Variants in SYT2 observed in about 807,000 individuals in gnomAD.
SYT2 encodes synaptotagmin 2.
In SYT2, 15 loss-of-function variants were observed where a neutral mutation model predicts 39.9. That is an observed-to-expected ratio of 0.38 (90% CI 0.25 to 0.58). The LOEUF is 0.58. SYT2 is among the 20% of genes least tolerant of loss of function. The pLI, the probability that SYT2 is intolerant of heterozygous loss-of-function variation, is 0.70. For missense variants in SYT2, 389 were observed against 530.3 expected (o/e 0.73, Z 2.62); for synonymous variants, 181 against 204.5 (o/e 0.89, Z 0.98).
intron 1 of SYT2, among the ~76,000 whole-genome samples, chr1:202,704,704 G>A (rs936329580): frequency 3.9e-5 from 4 of 101,446 alleles, no homozygotes; most frequent in African/African-American, 1.2e-4. Context: ...GGCTTCAGAG[G>A]AGCCGTTTAA....
chr1:202,608,731 G>A (rs1472462594), intron 1 of SYT2, among the ~76,000 whole-genome samples: 1 of 152,154 alleles, frequency 6.6e-6, no homozygotes, highest in Non-Finnish European at 1.5e-5. Flanking sequence ...GTTTTTGCGT[G>A]GACATATGTT....
intron 1 of SYT2, among the ~76,000 whole-genome samples, chr1:202,706,298 C>T (rs975502941): frequency 1.3e-5 from 2 of 151,984 alleles, no homozygotes; most frequent in Non-Finnish European, 2.9e-5. Flanking sequence ...GTGAGGGCAA[C>T]TCCTTCCCTT....
intron 1 of SYT2, among the ~76,000 whole-genome samples, chr1:202,694,644 C>T (rs1000474328): frequency 6.6e-6 from 1 of 152,052 alleles, no homozygotes; most frequent in African/African-American, 2.4e-5. Context: ...GAAGGGGTTC[C>T]GCCCTGCTAA....
chr1:202,676,085 C>T (rs1653362010), intron 1 of SYT2, among the ~76,000 whole-genome samples: 1 of 152,234 alleles, frequency 6.6e-6, no homozygotes, highest in Non-Finnish European at 1.5e-5. Flanking sequence ...AAGGCCACCG[C>T]CTTTCCACCC....
Position 202,601,773 on chromosome 1 carries a change from G to C in SYT2, c.801+117C>G, listed in dbSNP as rs1040517734. The C allele has an allele frequency of 9.2e-7, 1 of 1,091,388 alleles. No homozygotes were observed. The highest frequency in any genetic ancestry group is 1.6e-5 in the African/African-American group (1 of 63,474). 67.6% of individuals were successfully genotyped at this position (1,091,388 alleles called of 1,614,324 possible). A position where few individuals can be genotyped will look rare whatever the true frequency, so the allele number is the denominator to read the frequency against. Reference sequence around the variant, plus strand: ...CACACAGCCAGGCAGTGTGGAGCTGGGATCCTAACACAGGTCGTCTGCCTC... The same window carrying C: ...CACACAGCCAGGCAGTGTGGAGCTGCGATCCTAACACAGGTCGTCTGCCTC... On this transcript the variant is annotated intron_variant, in intron 6 of 8. Transcript: ENST00000367268. The surrounding 1 kb of genome is among the most constrained non-coding windows in gnomAD (Gnocchi z 4.0).
At chr1:202,625,015 G>A (rs1691338938) in intron 1 of SYT2, among the ~76,000 whole-genome samples, 1 of 115,790 alleles carries the variant, frequency 8.6e-6, no homozygotes, top group Non-Finnish European at 1.8e-5. Flanking sequence ...GGTGTGGCAT[G>A]TAGTAGGTTG....
chr1:202,644,353 G>C (rs926525490), intron 1 of SYT2, among the ~76,000 whole-genome samples: 2 of 152,184 alleles, frequency 1.3e-5, no homozygotes, highest in African/African-American at 2.4e-5. Flanking sequence ...TCCCACTTGG[G>C]AAAAGCGAGG....
intron 1 of SYT2, among the ~76,000 whole-genome samples, chr1:202,634,240 G>A (rs1445891468): frequency 5.9e-5 from 9 of 152,308 alleles, no homozygotes; most frequent in South Asian, 2.1e-4. Context: ...TATACTGGCC[G>A]GGAGAGGTGG....
At chr1:202,693,456 C>T (rs1187189096) in intron 1 of SYT2, among the ~76,000 whole-genome samples, 2 of 152,150 alleles carry the variant, frequency 1.3e-5, no homozygotes, top group African/African-American at 4.8e-5. Flanking sequence ...AGATACAAGT[C>T]CTTTCAGAGA....
intron 3 of SYT2, among the ~76,000 whole-genome samples, chr1:202,603,440 G>T (rs191061575): frequency 6.6e-6 from 1 of 152,292 alleles, no homozygotes; most frequent in African/African-American, 2.4e-5. Flanking sequence ...GGCTGGTGTG[G>T]GGGTAGGATT....
rs180713952 is a variant in SYT2 at position 202,646,208 on chromosome 1, C to G, written c.-17-40419G>C. On this transcript the variant is annotated intron_variant, in intron 1 of 8. Transcript: ENST00000367268. Reference sequence around the variant, plus strand: ...CATGCACCAGCATCTCTAGATGCAGCCCTTACCCACCTTCCAGCTTCACCT... The same window carrying G: ...CATGCACCAGCATCTCTAGATGCAGGCCTTACCCACCTTCCAGCTTCACCT... Among the ~76,000 whole-genome samples the G allele has an allele frequency of 1.9e-4, 29 of 152,322 alleles. No individual in the cohort carries two copies. The East Asian group carries it at 5.6e-3, about 29-fold the overall frequency.
intron 1 of SYT2, among the ~76,000 whole-genome samples, chr1:202,671,969 C>G (rs1412416618): frequency 6.6e-6 from 1 of 152,190 alleles, no homozygotes; most frequent in African/African-American, 2.4e-5. Context: ...TAAAGGAACT[C>G]AGGCACACAA....
chr1:202,646,691 T>C (rs1319177048), intron 1 of SYT2, among the ~76,000 whole-genome samples: 1 of 152,208 alleles, frequency 6.6e-6, no homozygotes, highest in East Asian at 1.9e-4. Flanking sequence ...ATAATGTATA[T>C]AGAGAGACTA....
chr1:202,611,592 T>C (rs993202759), intron 1 of SYT2, among the ~76,000 whole-genome samples: 1 of 152,074 alleles, frequency 6.6e-6, no homozygotes, highest in African/African-American at 2.4e-5. Context: ...CTGACCTCAG[T>C]TGATCTGGCC....
At chr1:202,710,210 C>G (rs1218750726) in intron 1 of SYT2, 48 bp downstream of exon 1, 1 of 152,468 alleles carries the variant, frequency 6.6e-6, no homozygotes, top group Admixed American at 6.5e-5. Context: ...AAAGGAGAAA[C>G]TTTGGAGAGG....
chr1:202,698,583 G>T (rs1572686420), intron 1 of SYT2, among the ~76,000 whole-genome samples: 1 of 152,152 alleles, frequency 6.6e-6, no homozygotes, highest in East Asian at 1.9e-4. Context: ...GTGCTAAATG[G>T]TAACTACAGC....
chr1:202,665,559 C>T (rs536247578), intron 1 of SYT2, among the ~76,000 whole-genome samples: 1 of 152,310 alleles, frequency 6.6e-6, no homozygotes, highest in African/African-American at 2.4e-5. Flanking sequence ...GAAGATAAAG[C>T]TACTTTAAAA....
intron 1 of SYT2, among the ~76,000 whole-genome samples, chr1:202,691,631 T>C (rs575883764): frequency 1.4e-5 from 2 of 142,276 alleles, no homozygotes; most frequent in Admixed American, 7.4e-5. Flanking sequence ...GCCTGAGCAA[T>C]AGAGAAAGAC....
At chr1:202,699,624 G>A (rs1288975773) in intron 1 of SYT2, among the ~76,000 whole-genome samples, 2 of 152,130 alleles carry the variant, frequency 1.3e-5, no homozygotes, top group African/African-American at 4.8e-5. Flanking sequence ...GCTGTATAAT[G>A]TTGTAAATTT....
Sources: gnomAD v4.1 joint callset for allele counts (sites outside exome capture counted in the v4.1 genomes callset) on GRCh38, gnomAD v4.1.1 for gene constraint, Gnocchi (gnomAD v3.1) non-coding constraint, MANE v1.5 for transcripts, NCBI Gene and HGNC (gene_info 2026-07-23, HGNC 2026-07-21) for gene names.